Variants in NAPB observed in about 807,000 individuals in gnomAD.
The protein encoded by NAPB is NSF attachment protein beta, also known as beta-soluble NSF attachment protein.
Under a neutral mutation model 44.7 loss-of-function variants are expected in NAPB, and 26 were observed. The observed-to-expected ratio is 0.58, with a 90% CI of 0.43 to 0.81. The LOEUF is 0.81. Among genes scored for constraint, NAPB ranks in the 30% least tolerant of loss-of-function variants. The probability of loss-of-function intolerance (pLI) is 0.00; values close to 1 mark genes in which losing one functional copy is unlikely to be tolerated. For synonymous variants in NAPB, 120 were observed against 116.8 expected, an observed-to-expected ratio of 1.03 and a Z score of -0.18; for missense variants, 315 against 356.4, an observed-to-expected ratio of 0.88 and a Z score of 0.94.
chr20:23,398,088 A>G (rs2123203018), intron 2 of NAPB, among the ~76,000 whole-genome samples: 2 of 152,290 alleles, frequency 1.3e-5, no homozygotes, highest in Middle Eastern at 6.8e-3. Flanking sequence ...AGTGGAAATC[A>G]AGGCTGAGGC....
At position 23,376,123 on chromosome 20, in the gene NAPB, G is replaced by A. The variant is rs1447979163; in HGVS notation, c.*1253C>T. 1 of 149,300 alleles carries A rather than the reference G, an allele frequency of 6.7e-6. No homozygotes were observed. Among genetic ancestry groups the A allele is most frequent in the African/African-American group, 2.5e-5 (1 of 39,746 alleles). The allele number at this position is 149,300 out of a possible 1,614,324, so 9.2% of individuals were successfully genotyped here. A position where few individuals can be genotyped will look rare whatever the true frequency, so the allele number is the denominator to read the frequency against. On this transcript the variant is annotated 3_prime_UTR_variant, in exon 11 of 11. Transcript: ENST00000377026. Reference sequence around the variant, plus strand: ...TCAGAGTGTCTGCTGGGTTAAGTCTGGCAACACATTTCAAATATAAATCAT... The same window carrying A: ...TCAGAGTGTCTGCTGGGTTAAGTCTAGCAACACATTTCAAATATAAATCAT...
chr20:23,418,515 T>C (rs1186394554), intron 1 of NAPB, among the ~76,000 whole-genome samples: 1 of 152,174 alleles, frequency 6.6e-6, no homozygotes, highest in East Asian at 1.9e-4. Flanking sequence ...ACTCCTAAAA[T>C]TCTAAGTACT....
intron 1 of NAPB, among the ~76,000 whole-genome samples, chr20:23,406,721 C>T (rs1985283341): frequency 6.6e-6 from 1 of 152,226 alleles, no homozygotes; most frequent in African/African-American, 2.4e-5. Flanking sequence ...GCCATACCTC[C>T]CTTGGCGTAA....
chr20:23,421,456 C>T lies in NAPB; in HGVS notation c.-54G>A, dbSNP rs192010186. ...TCAGCCGGCTCGCTGTGCGCCCAGG[C>T]GCCTTAACCCTCCCTCTGGCGGCCG... On this transcript the variant is annotated 5_prime_UTR_variant, in exon 1 of 11. Coordinates refer to ENST00000377026, the MANE Select transcript of NAPB (RefSeq NM_022080.3). 2.3e-5 allele frequency: 34 copies of T among 1,477,414 alleles called. No individual in the cohort carries two copies. Among genetic ancestry groups the T allele is most frequent in the African/African-American group, 8.7e-5 (6 of 68,768 alleles). The allele number at this position is 1,477,414 out of a possible 1,614,324, so 91.5% of individuals were successfully genotyped here.
Position 23,389,353 on chromosome 20 carries a change from C to T in NAPB, c.561+593G>A, listed in dbSNP as rs145203231. 3.3e-5 allele frequency among the ~76,000 whole-genome samples: 5 copies of T among 152,066 alleles called. No individual in the cohort carries two copies. The East Asian group carries it at 9.7e-4, about 29-fold the overall frequency. ...CCACTGTGAAAATGTCTGGCAGTTC[C>T]TCAAAAAGTTAAACATGGACTTACC... On this transcript the variant is annotated intron_variant, in intron 7 of 10. Transcript: ENST00000377026.
At position 23,381,310 on chromosome 20, in the gene NAPB, G is replaced by T. The variant is rs1382496914; in HGVS notation, c.569C>A (p.Ala190Glu). The change falls in exon 8 of 11, where the codon GCA (alanine) becomes GAA (glutamate). Residue 190 changes from alanine to glutamate, a missense_variant. This residue lies in a region of NAPB where 120 missense variants were observed against 130.5 expected (regional missense o/e 0.92). Transcript: ENST00000377026. The stretch of plus-strand genomic sequence containing the variant: ...CAACAAAGGATTATCCATTGTGTTT[G>T]CCCCAACCTAGGCACAGAACGCAGA... ...KAIEIYEQVG[A>E]NTMDNPLLKY... 1 of 1,576,538 alleles carries T rather than the reference G, an allele frequency of 6.3e-7. No individual in the cohort carries two copies. Among genetic ancestry groups the T allele is most frequent in the East Asian group, 2.3e-5 (1 of 43,234 alleles).
At chr20:23,394,323 CA>C (rs1162702604) in intron 5 of NAPB, among the ~76,000 whole-genome samples, 35 of 152,136 alleles carry the variant, frequency 2.3e-4, no homozygotes, top group Non-Finnish European at 4.3e-4. Flanking sequence ...GCAGGAAGGA[CA>C]CCGCTCACAA....
At chr20:23,389,657 T>C (rs1983805318) in intron 7 of NAPB, among the ~76,000 whole-genome samples, 1 of 152,200 alleles carries the variant, frequency 6.6e-6, no homozygotes, top group Non-Finnish European at 1.5e-5. Context: ...TGTGATTTCA[T>C]ATATATTCAA....
chr20:23,390,293 C>T, intron 5 of NAPB, 29 bp from the exon 6 acceptor site: 1 of 1,572,828 alleles, frequency 6.4e-7, no homozygotes, highest in Non-Finnish European at 8.7e-7. Flanking sequence ...TATTCACACA[C>T]AATTTATTTG....
At chr20:23,384,008 A>G (rs750798851) in intron 7 of NAPB, among the ~76,000 whole-genome samples, 13 of 152,248 alleles carry the variant, frequency 8.5e-5, no homozygotes, top group Non-Finnish European at 1.8e-4. Flanking sequence ...ACACAAAGAT[A>G]TATACCATTG....
chr20:23,381,115 G>T, intron 8 of NAPB, 98 bp downstream of exon 8: 2 of 820,884 alleles, frequency 2.4e-6, no homozygotes, highest in Non-Finnish European at 4.2e-6. Flanking sequence ...GTTTATTCTT[G>T]GTACTAACAT....
chr20:23,380,384 G>A (rs1464041579), intron 8 of NAPB, among the ~76,000 whole-genome samples: 1 of 152,136 alleles, frequency 6.6e-6, no homozygotes, highest in Non-Finnish European at 1.5e-5. Context: ...TTTGCCTCTT[G>A]GCTCCCAGTG....
At chr20:23,392,380 G>A (rs533953114) in intron 5 of NAPB, among the ~76,000 whole-genome samples, 2 of 152,254 alleles carry the variant, frequency 1.3e-5, no homozygotes, top group African/African-American at 4.8e-5. Flanking sequence ...TCAGTATTCC[G>A]TGAAGGTCAG....
In NAPB at chr20:23,395,162, C is replaced by A; in HGVS notation, c.319G>T (p.Ala107Ser). 1 of 1,614,162 alleles carries A rather than the reference C, an allele frequency of 6.2e-7. No individual in the cohort carries two copies. The highest frequency in any genetic ancestry group is 8.5e-7 in the Non-Finnish European group (1 of 1,180,008). The change falls in exon 4 of 11, where the codon GCC becomes TCC. Residue 107 changes from alanine to serine, a missense_variant. By Grantham distance (99) the Ala-to-Ser change is moderately conservative. This residue lies in a region of NAPB where 179 missense variants were observed against 182.5 expected (regional missense o/e 0.98). Transcript: ENST00000377026. ...PQEAINCLNAAIDIYTDMGRF... is the reference protein window; with the variant it reads ...PQEAINCLNASIDIYTDMGRF... ...ACCATGTCTGTGTAAATGTCGATGG[C>A]TGCATTTAAGCAGTTGATAGCCTCT...
intron 1 of NAPB, among the ~76,000 whole-genome samples, chr20:23,417,083 CTTTT>C (rs567478910): frequency 3.0e-5 from 4 of 134,206 alleles, no homozygotes; most frequent in East Asian, 2.2e-4. Context: ...CACTGGCATT[CTTTT>C]TTTTTTTTTT....
intron 3 of NAPB, among the ~76,000 whole-genome samples, chr20:23,396,422 T>G (rs905260867): frequency 6.6e-6 from 1 of 152,214 alleles, no homozygotes; most frequent in African/African-American, 2.4e-5. Context: ...TTAAACAAAA[T>G]GGACTGCTAA....
In NAPB at chr20:23,402,983, T is replaced by G. The variant is rs762761049; in HGVS notation, c.178+10A>C. On this transcript the variant is annotated intron_variant, in intron 2 of 10. Transcript: ENST00000377026. ...TTTGCCTAAAAAGCAAACAAAAACT[T>G]TGTACATACCACTCCAATTTTTAGC... The G allele has an allele frequency of 6.2e-7, 1 of 1,607,660 alleles. No homozygotes were observed. The highest frequency in any genetic ancestry group is 8.5e-7 in the Non-Finnish European group (1 of 1,176,846).
chr20:23,412,999 A>C (rs1441549075), intron 1 of NAPB, among the ~76,000 whole-genome samples: 2 of 152,144 alleles, frequency 1.3e-5, no homozygotes, highest in African/African-American at 2.4e-5. Context: ...CCAAAAAAAT[A>C]AAGTGTACAT....
chr20:23,400,340 A>T (rs1453156478), intron 2 of NAPB, among the ~76,000 whole-genome samples: 1 of 152,160 alleles, frequency 6.6e-6, no homozygotes, highest in Non-Finnish European at 1.5e-5. Context: ...AACATGGAGA[A>T]ACCCCATCTC....
Sources: gnomAD v4.1 joint callset for allele counts (sites outside exome capture counted in the v4.1 genomes callset) on GRCh38, gnomAD v4.1.1 for gene constraint, gnomAD v4.1.1 regional missense constraint, MANE v1.5 for transcripts, NCBI Gene and HGNC (gene_info 2026-07-23, HGNC 2026-07-21) for gene names.